The following FMN1 variants were observed in gnomAD, a reference collection of about 807,000 sequenced individuals.
The protein encoded by FMN1 is formin-1.
Under a neutral mutation model 132.4 loss-of-function variants are expected in FMN1, and 110 were observed. That is an observed-to-expected ratio of 0.83 (90% CI 0.71 to 0.97). The LOEUF (loss-of-function observed/expected upper bound fraction) is 0.97. Among genes scored for constraint, FMN1 ranks in the 50% least tolerant of loss-of-function variants. FMN1 has a pLI of 0.00. For missense variants in FMN1, 1,792 were observed against 1,705.3 expected (o/e 1.05, Z -0.90); for synonymous variants, 722 against 651.7 (o/e 1.11, Z -1.64).
chr15:33,012,432 G>A lies in FMN1; in HGVS notation c.2162-4357C>T, dbSNP rs990988227. 22 of 973,466 alleles carry A rather than the reference G, an allele frequency of 2.3e-5. 1 individual carries two copies. Among genetic ancestry groups the A allele is most frequent in the African/African-American group, 2.2e-4 (14 of 63,134 alleles). 60.3% of individuals were successfully genotyped at this position (973,466 alleles called of 1,614,324 possible). ...CAGGTGCCCACTCAACTGTGAAAAAGACATTTGTTGCTGGCATTAAAGAAG... is the reference window on the plus strand; with the variant it reads ...CAGGTGCCCACTCAACTGTGAAAAAAACATTTGTTGCTGGCATTAAAGAAG... On this transcript the variant is annotated intron_variant, in intron 6 of 20. Transcript: ENST00000616417.
rs113654144 is a variant in FMN1, at chr15:33,018,912, G to A, written c.2162-10837C>T. Among the ~76,000 whole-genome samples, 986 of 152,260 alleles carry A rather than the reference G, an allele frequency of 6.5e-3. 10 individuals are homozygous for A. The highest frequency in any genetic ancestry group is 0.022 in the African/African-American group (912 of 41,554). Reference sequence around the variant, plus strand: ...TGGGTTCGTAGTCTCACTGGCTCAGGAGTGAAGCTGCAGACCTTCCTGGTG... The same window carrying A: ...TGGGTTCGTAGTCTCACTGGCTCAGAAGTGAAGCTGCAGACCTTCCTGGTG... On this transcript the variant is annotated intron_variant, in intron 6 of 20. Transcript: ENST00000616417.
At chr15:32,900,168 T>C in intron 13 of FMN1, 43 bp from the exon 14 acceptor site, 1 of 1,607,824 alleles carries the variant, frequency 6.2e-7, no homozygotes, top group Non-Finnish European at 8.5e-7. Flanking sequence ...GAACTCCAAA[T>C]GCACCCATGT....
intron 4 of FMN1, among the ~76,000 whole-genome samples, chr15:33,121,173 CAACAA>C (rs1962519363): frequency 6.6e-6 from 1 of 152,186 alleles, no homozygotes; most frequent in Admixed American, 6.5e-5. Context: ...AGATCAACAA[CAACAA>C]AAAATTAAAC....
intron 4 of FMN1, among the ~76,000 whole-genome samples, chr15:33,109,274 CCTTA>C (rs1287037626): frequency 6.6e-6 from 1 of 152,008 alleles, no homozygotes; most frequent in African/African-American, 2.4e-5. Flanking sequence ...ACTATAGTTT[CCTTA>C]CTTTTGTCAA....
At chr15:33,166,895 G>A (rs1043444054) in intron 3 of FMN1, among the ~76,000 whole-genome samples, 2 of 152,172 alleles carry the variant, frequency 1.3e-5, no homozygotes, top group Non-Finnish European at 2.9e-5. Context: ...ATGAGTTGGA[G>A]GCATGTATCC....
At chr15:33,058,012 GGGGCTGGTAGTGGAAAGGCGTGGC>G (rs1298282285) in intron 6 of FMN1, among the ~76,000 whole-genome samples, 13 of 146,494 alleles carry the variant, frequency 8.9e-5, no homozygotes, top group African/African-American at 2.5e-4. Context: ...AAGGCGTGGC[GGGGCTGGTAGTGGAAAGGCGTGGC>G]GGGCTGGTGG....
intron 17 of FMN1, among the ~76,000 whole-genome samples, chr15:32,814,896 G>A (rs1056840799): frequency 1.3e-5 from 2 of 152,034 alleles, no homozygotes; most frequent in African/African-American, 4.8e-5. Context: ...TTTGTAGCAG[G>A]TTCATGAGCA....
rs1431837030 is a variant in FMN1 at position 32,769,722 on chromosome 15, T to C, written c.*4588A>G. 6.6e-6 allele frequency: 1 copy of C among 152,244 alleles called. No individual in the cohort carries two copies. The highest frequency in any genetic ancestry group is 1.9e-4 in the East Asian group (1 of 5,202). 9.4% of individuals were successfully genotyped at this position (152,244 alleles called of 1,614,324 possible). Reference sequence around the variant, plus strand: ...TCCACTCTTTTCAAATCCCATCAGCTTGGCCACACAGACTGGTTTCATCTG... The same window carrying C: ...TCCACTCTTTTCAAATCCCATCAGCCTGGCCACACAGACTGGTTTCATCTG... On this transcript the variant is annotated 3_prime_UTR_variant, in exon 21 of 21. Transcript: ENST00000616417.
rs1179895147 is a variant in FMN1 at position 32,774,204 on chromosome 15, CATTT to C, written c.*102_*105del. 1.1e-6 allele frequency: 1 copy of C among 884,766 alleles called. No individual in the cohort carries two copies. Among genetic ancestry groups the C allele is most frequent in the Admixed American group, 2.4e-5 (1 of 42,228 alleles). The allele number at this position is 884,766 out of a possible 1,614,324, so 54.8% of individuals were successfully genotyped here. A position where few individuals can be genotyped will look rare whatever the true frequency, so the allele number is the denominator to read the frequency against. On this transcript the variant is annotated 3_prime_UTR_variant, in exon 21 of 21. Coordinates refer to ENST00000616417, the MANE Select transcript of FMN1 (RefSeq NM_001277313.2). ...TCAGAAAGAGATGAGCAAAAACAAACATTTAGTGACACATCTTTCAAGAACGTCC... is the reference window on the plus strand; with the variant it reads ...TCAGAAAGAGATGAGCAAAAACAAACAGTGACACATCTTTCAAGAACGTCC...
At chr15:33,178,487 C>T (rs1344070446) in intron 3 of FMN1, among the ~76,000 whole-genome samples, 1 of 152,166 alleles carries the variant, frequency 6.6e-6, no homozygotes, top group African/African-American at 2.4e-5. Flanking sequence ...TTGTTTTGTC[C>T]AATCCTAACC....
intron 4 of FMN1, among the ~76,000 whole-genome samples, chr15:33,098,861 G>A (rs2039184238): frequency 1.3e-5 from 2 of 152,146 alleles, no homozygotes; most frequent in South Asian, 2.1e-4. Flanking sequence ...TCAGGCCTAA[G>A]GTTGGTAAGG....
intron 20 of FMN1, 73 bp downstream of exon 20, chr15:32,776,762 G>T: frequency 1.2e-6 from 1 of 815,324 alleles, no homozygotes; most frequent in Non-Finnish European, 2.0e-6. Flanking sequence ...TTTCATCTCT[G>T]AGCTTTAGCC....
chr15:33,128,034 G>C (rs1046560370), intron 4 of FMN1, among the ~76,000 whole-genome samples: 2 of 152,126 alleles, frequency 1.3e-5, no homozygotes, highest in African/African-American at 4.8e-5. Context: ...AGAATGCCCA[G>C]ACACGACACA....
intron 4 of FMN1, among the ~76,000 whole-genome samples, chr15:33,151,650 T>G (rs1186613600): frequency 1.3e-5 from 2 of 152,172 alleles, no homozygotes; most frequent in African/African-American, 4.8e-5. Context: ...CTGCAGTTTT[T>G]GGAGTTAAGG....
intron 6 of FMN1, among the ~76,000 whole-genome samples, chr15:33,015,460 A>T (rs1305435866): frequency 3.3e-5 from 5 of 152,108 alleles, no homozygotes; most frequent in Non-Finnish European, 5.9e-5. Flanking sequence ...TTTCTGGTTA[A>T]ATCTGATTTT....
intron 10 of FMN1, among the ~76,000 whole-genome samples, chr15:32,911,209 G>A (rs1446003755): frequency 6.6e-6 from 1 of 152,104 alleles, no homozygotes; most frequent in Non-Finnish European, 1.5e-5. Flanking sequence ...ATCTAGAGAG[G>A]TACCTTCCCA....
At chr15:33,019,494 C>G (rs544329838) in intron 6 of FMN1, among the ~76,000 whole-genome samples, 1 of 152,348 alleles carries the variant, frequency 6.6e-6, no homozygotes, top group East Asian at 1.9e-4. Context: ...CTCCTCAGCC[C>G]TTGGGCGGTC....
chr15:32,886,817 G>C, intron 16 of FMN1, among the ~76,000 whole-genome samples: 1 of 152,098 alleles, frequency 6.6e-6, no homozygotes, highest in East Asian at 1.9e-4. Flanking sequence ...GAGAGGGACA[G>C]ACAAAAATGC....
chr15:33,038,928 T>G (rs1428541878), intron 6 of FMN1, among the ~76,000 whole-genome samples: 1 of 152,198 alleles, frequency 6.6e-6, no homozygotes, highest in Non-Finnish European at 1.5e-5. Flanking sequence ...AGACTTCTAA[T>G]GTAGCACCCT....
Sources: allele counts gnomAD v4.1 joint callset (sites outside exome capture counted in the v4.1 genomes callset), GRCh38; gene constraint gnomAD v4.1.1; transcripts MANE v1.5; gene names NCBI Gene and HGNC (gene_info 2026-07-23, HGNC 2026-07-21).